Variants in DCTN5 observed in about 807,000 individuals in gnomAD.
DCTN5 encodes dynactin 4.
A neutral mutation model predicts 23.5 loss-of-function variants in DCTN5; 14 were observed. The ratio of observed to expected loss-of-function variants is 0.60; its 90% CI spans 0.39 to 0.93. DCTN5 has a LOEUF of 0.93. Among genes scored for constraint, DCTN5 ranks in the 40% least tolerant of loss-of-function variants. DCTN5 has a pLI of 0.00. For synonymous variants in DCTN5, 67 were observed against 79.6 expected (o/e 0.84, Z 0.84); for missense variants, 156 against 225.9 (o/e 0.69, Z 1.98).
rs868121841 is a variant in DCTN5, at chr16:23,676,246, T to C, written c.*9102T>C. The C allele has an allele frequency of 2.0e-5, 3 of 150,442 alleles. No individual in the cohort carries two copies. Among genetic ancestry groups the C allele is most frequent in the African/African-American group, 7.3e-5 (3 of 41,052 alleles). The allele number at this position is 150,442 out of a possible 1,614,324, so 9.3% of individuals were successfully genotyped here. ...ATTAAGGGCTGGGCACGGTGGCTCA[T>C]GCCTGTAATCCCGGCACTTTGGGAG... On this transcript the variant is annotated 3_prime_UTR_variant, in exon 6 of 6. Coordinates refer to ENST00000300087, the MANE Select transcript of DCTN5 (RefSeq NM_032486.4).
In DCTN5 at chr16:23,668,605, C is replaced by G. The variant is rs898755984; in HGVS notation, c.*1461C>G. On this transcript the variant is annotated 3_prime_UTR_variant, in exon 6 of 6. Transcript: ENST00000300087. ...TAAATTTAGTTTCTACTTGGGCAGCCAAAACTCTGAGGAAGGAGATTCTGC... is the reference window on the plus strand; with the variant it reads ...TAAATTTAGTTTCTACTTGGGCAGCGAAAACTCTGAGGAAGGAGATTCTGC... 1 of 152,070 alleles carries G rather than the reference C, an allele frequency of 6.6e-6. No individual in the cohort carries two copies. Among genetic ancestry groups the G allele is most frequent in the African/African-American group, 2.4e-5 (1 of 41,392 alleles). The allele number at this position is 152,070 out of a possible 1,614,324, so 9.4% of individuals were successfully genotyped here.
rs925549213 is a variant in DCTN5, at chr16:23,665,516, C to T, written c.349-110C>T. ...CTGAAGCAGGAAGTTGCAACCAACC[C>T]TCTTGTCACCGTCCCTGGCTATTAC... On this transcript the variant is annotated intron_variant, in intron 4 of 5. Transcript: ENST00000300087. 8.7e-6 allele frequency: 9 copies of T among 1,036,536 alleles called. No individual in the cohort carries two copies. The African/African-American group carries it at 1.1e-4, about 13-fold the overall frequency. 64.2% of individuals were successfully genotyped at this position (1,036,536 alleles called of 1,614,324 possible).
At chr16:23,654,183 C>G (rs1342847484) in intron 2 of DCTN5, among the ~76,000 whole-genome samples, 1 of 152,086 alleles carries the variant, frequency 6.6e-6, no homozygotes, top group Non-Finnish European at 1.5e-5. Flanking sequence ...GATATATACC[C>G]AAAAGAATAT....
intron 2 of DCTN5, among the ~76,000 whole-genome samples, chr16:23,643,533 C>G (rs1567227650): frequency 6.6e-6 from 1 of 151,942 alleles, no homozygotes. Context: ...CAATAAGAGG[C>G]AACAGAAAAC....
At position 23,648,980 on chromosome 16, in the gene DCTN5, C is replaced by G. The variant is rs907324359; in HGVS notation, c.117+5957C>G. Reference sequence around the variant, plus strand: ...TCAAGCAATTCTCCTGTCTCAGCCTCCTGAGTTGCTGGGACTACAGGCGCA... The same window carrying G: ...TCAAGCAATTCTCCTGTCTCAGCCTGCTGAGTTGCTGGGACTACAGGCGCA... On this transcript the variant is annotated intron_variant, in intron 2 of 5. Coordinates refer to ENST00000300087, the MANE Select transcript of DCTN5 (RefSeq NM_032486.4). Among the ~76,000 whole-genome samples the G allele has an allele frequency of 2.0e-5, 3 of 152,230 alleles. No homozygotes were observed. The East Asian group carries it at 5.8e-4, about 29-fold the overall frequency.
Position 23,656,989 on chromosome 16 carries a change from C to CAAA in DCTN5, c.118-1505_118-1503dup, listed in dbSNP as rs35192089. On this transcript the variant is annotated intron_variant, in intron 2 of 5. Transcript: ENST00000300087. The stretch of plus-strand genomic sequence containing the variant: ...TGAGTGACAGAGCAAGACTCCATCT[C>CAAA]AAAAAAAAAAAAAAATAAAGACTCA... Among the ~76,000 whole-genome samples the CAAA allele has an allele frequency of 6.9e-3, 780 of 113,672 alleles. 10 individuals are homozygous for CAAA. The highest frequency in any genetic ancestry group is 0.023 in the African/African-American group (736 of 31,376). 74.6% of individuals were successfully genotyped at this position (113,672 alleles called of 152,430 possible).
rs571527890 is a variant in DCTN5 at position 23,653,755 on chromosome 16, T to C, written c.118-4752T>C. On this transcript the variant is annotated intron_variant, in intron 2 of 5. Coordinates refer to ENST00000300087, the MANE Select transcript of DCTN5 (RefSeq NM_032486.4). ...ACAGCAAAAGAAACTATTAACAGGG[T>C]AAACAGACATCCTACAGAATGGGAG... Among the ~76,000 whole-genome samples the C allele has an allele frequency of 3.9e-5, 6 of 152,230 alleles. No individual in the cohort carries two copies. The East Asian group carries it at 9.6e-4, about 24-fold the overall frequency.
chr16:23,666,202 A>G (rs1967902669), intron 5 of DCTN5, among the ~76,000 whole-genome samples: 1 of 152,238 alleles, frequency 6.6e-6, no homozygotes, highest in South Asian at 2.1e-4. Context: ...TCTGGGTAGA[A>G]AAAGTCTGTC....
intron 2 of DCTN5, among the ~76,000 whole-genome samples, chr16:23,643,865 G>T (rs1036600798): frequency 6.6e-6 from 1 of 152,044 alleles, no homozygotes; most frequent in African/African-American, 2.4e-5. Context: ...ACTTGGAAGA[G>T]AAAATATCAC....
At chr16:23,652,782 CAT>C (rs1021688500) in intron 2 of DCTN5, among the ~76,000 whole-genome samples, 1 of 152,222 alleles carries the variant, frequency 6.6e-6, no homozygotes, top group South Asian at 2.1e-4. Flanking sequence ...TTTTCATTGA[CAT>C]ATAATAGATG....
chr16:23,668,855 G>A lies in DCTN5; in HGVS notation c.*1711G>A, dbSNP rs949588839. On this transcript the variant is annotated 3_prime_UTR_variant, in exon 6 of 6. Transcript: ENST00000300087. ...TTGGAAACTCCCAAAGTTCTCAATG[G>A]TTTGTTGTGAGTTCCATGTCCTCTT... The A allele has an allele frequency of 3.3e-5, 5 of 152,274 alleles. No individual in the cohort carries two copies. The highest frequency in any genetic ancestry group is 3.3e-4 in the Admixed American group (5 of 15,282). The allele number at this position is 152,274 out of a possible 1,614,324, so 9.4% of individuals were successfully genotyped here.
chr16:23,645,617 C>T (rs1247348703), intron 2 of DCTN5, among the ~76,000 whole-genome samples: 1 of 152,098 alleles, frequency 6.6e-6, no homozygotes, highest in Non-Finnish European at 1.5e-5. Flanking sequence ...ATGAATTTGC[C>T]TATTCTGGAT....
chr16:23,643,585 G>A (rs1401033930), intron 2 of DCTN5, among the ~76,000 whole-genome samples: 1 of 152,032 alleles, frequency 6.6e-6, no homozygotes, highest in Admixed American at 6.5e-5. Context: ...GTGGTACCTA[G>A]AACCAACATT....
At chr16:23,641,862 G>A (rs182608968) in intron 1 of DCTN5, among the ~76,000 whole-genome samples, 165 of 152,186 alleles carry the variant, frequency 1.1e-3, no homozygotes, top group African/African-American at 3.9e-3. Context: ...ACGAATTACA[G>A]CTCGGACTTC....
Position 23,668,826 on chromosome 16 carries a change from G to A in DCTN5, c.*1682G>A, listed in dbSNP as rs1447369198. 5 of 152,258 alleles carry A rather than the reference G, an allele frequency of 3.3e-5. No homozygotes were observed. Among genetic ancestry groups the A allele is most frequent in the Admixed American group, 6.5e-5 (1 of 15,294 alleles). The allele number at this position is 152,258 out of a possible 1,614,324, so 9.4% of individuals were successfully genotyped here. A position where few individuals can be genotyped will look rare whatever the true frequency, so the allele number is the denominator to read the frequency against. ...TGAAAGGTTTCTTCCCTTCCAGTTC[G>A]AATTTGGAAACTCCCAAAGTTCTCA... On this transcript the variant is annotated 3_prime_UTR_variant, in exon 6 of 6. Coordinates refer to ENST00000300087, the MANE Select transcript of DCTN5 (RefSeq NM_032486.4).
rs144731813 is a variant in DCTN5, at chr16:23,666,744, A to G, written c.452-303A>G. On this transcript the variant is annotated intron_variant, in intron 5 of 5. Coordinates refer to ENST00000300087, the MANE Select transcript of DCTN5 (RefSeq NM_032486.4). Reference sequence around the variant, plus strand: ...CTCAGATCATTGAATCTGAGTTTCTAAGATGAACAAAATCATCACTCAGAT... The same window carrying G: ...CTCAGATCATTGAATCTGAGTTTCTGAGATGAACAAAATCATCACTCAGAT... 327 of 473,472 alleles carry G rather than the reference A, an allele frequency of 6.9e-4. 1 individual carries two copies. The highest frequency in any genetic ancestry group is 6.1e-3 in the African/African-American group (313 of 51,424). The allele number at this position is 473,472 out of a possible 1,614,324, so 29.3% of individuals were successfully genotyped here.
chr16:23,652,658 C>T (rs554462733), intron 2 of DCTN5, among the ~76,000 whole-genome samples: 3 of 152,262 alleles, frequency 2.0e-5, no homozygotes, highest in South Asian at 4.1e-4. Flanking sequence ...GCAGTCAATC[C>T]TCTACCCTTG....
intron 5 of DCTN5, chr16:23,666,653 G>C: frequency 3.9e-6 from 1 of 258,888 alleles, no homozygotes; most frequent in Non-Finnish European, 7.4e-6. Flanking sequence ...AGAGAGATTT[G>C]ACAGTATATG....
rs1967969048 is a variant in DCTN5, at chr16:23,669,502, A to G, written c.*2358A>G. 5 of 152,230 alleles carry G rather than the reference A, an allele frequency of 3.3e-5. No individual in the cohort carries two copies. The highest frequency in any genetic ancestry group is 3.3e-4 in the Admixed American group (5 of 15,270). 9.4% of individuals were successfully genotyped at this position (152,230 alleles called of 1,614,324 possible). ...GGAAGGTATCCAGCCTCAAGTCATC[A>G]TTGTGGCCAGGAAGATGGAATACAC... On this transcript the variant is annotated 3_prime_UTR_variant, in exon 6 of 6. Coordinates refer to ENST00000300087, the MANE Select transcript of DCTN5 (RefSeq NM_032486.4).
Sources: allele counts gnomAD v4.1 joint callset (sites outside exome capture counted in the v4.1 genomes callset), GRCh38; gene constraint gnomAD v4.1.1; transcripts MANE v1.5; gene names NCBI Gene and HGNC (gene_info 2026-07-23, HGNC 2026-07-21).